Variants in MRTFA observed in about 807,000 individuals in gnomAD.
MRTFA encodes myocardin related transcription factor A.
A neutral mutation model predicts 83.5 loss-of-function variants in MRTFA; 20 were observed. The observed-to-expected ratio is 0.24, with a 90% CI of 0.17 to 0.35. The LOEUF (loss-of-function observed/expected upper bound fraction) is 0.35, where lower values mean the gene tolerates loss of function less well. Ranked by LOEUF, MRTFA falls within the 10% of genes least tolerant of loss-of-function variation. The pLI is 1.00. For missense variants in MRTFA, 1,200 were observed against 1,224.7 expected (o/e 0.98, Z 0.30); for synonymous variants, 659 against 541.2 (o/e 1.22, Z -3.02).
intron 1 of MRTFA, among the ~76,000 whole-genome samples, chr22:40,598,201 C>G (rs2056215382): frequency 6.6e-6 from 1 of 151,926 alleles, no homozygotes; most frequent in African/African-American, 2.4e-5. Context: ...TTCCCTCCCC[C>G]GCCCCTCCCC....
Position 40,418,716 on chromosome 22 carries a change from G to C in MRTFA, c.2022C>G (p.Pro674=), listed in dbSNP as rs771502561. Residue 674 remains proline (P), a synonymous_variant, in exon 12 of 15, where the codon CCC becomes CCG. Transcript: ENST00000355630. ...TGGAGAAGCTGTTCTCCTGCTTCAC[G>C]GGGGTGCCGAGGGGGGCGGGGGCGG... The C allele has an allele frequency of 7.4e-6, 11 of 1,476,698 alleles. No individual in the cohort carries two copies. Among genetic ancestry groups the C allele is most frequent in the Admixed American group, 4.9e-5 (2 of 40,562 alleles). The allele number at this position is 1,476,698 out of a possible 1,614,324, so 91.5% of individuals were successfully genotyped here.
intron 3 of MRTFA, among the ~76,000 whole-genome samples, chr22:40,527,131 TAC>T (rs35912231): frequency 0.017 from 2,454 of 145,818 alleles, 27 homozygotes; most frequent in South Asian, 0.042. Context: ...GCCTCAAAGA[TAC>T]ACACACACAC....
At chr22:40,487,126 C>T (rs2054186365) in intron 3 of MRTFA, among the ~76,000 whole-genome samples, 1 of 152,164 alleles carries the variant, frequency 6.6e-6, no homozygotes, top group Admixed American at 6.5e-5. Flanking sequence ...CATCTAAGGA[C>T]AGGATATATG....
intron 6 of MRTFA, among the ~76,000 whole-genome samples, chr22:40,430,437 G>A (rs527560811): frequency 2.0e-5 from 3 of 152,060 alleles, no homozygotes; most frequent in Admixed American, 6.5e-5. Context: ...GCAGTGAGCC[G>A]AGACTGTGCC....
intron 2 of MRTFA, among the ~76,000 whole-genome samples, chr22:40,559,343 A>G (rs989495763): frequency 6.6e-6 from 1 of 152,140 alleles, no homozygotes; most frequent in African/African-American, 2.4e-5. Context: ...AGCTGTGATC[A>G]TGCCACTGCA....
intron 2 of MRTFA, among the ~76,000 whole-genome samples, chr22:40,594,196 A>T (rs997504785): frequency 1.3e-5 from 2 of 152,242 alleles, no homozygotes; most frequent in Non-Finnish European, 2.9e-5. Context: ...TACAGTTGCC[A>T]GTAATGGCCT....
chr22:40,598,014 A>G (rs1323763541), intron 1 of MRTFA, among the ~76,000 whole-genome samples: 2 of 152,216 alleles, frequency 1.3e-5, no homozygotes, highest in African/African-American at 4.8e-5. Context: ...AAAGGAATTT[A>G]GGAGAGAATG....
intron 2 of MRTFA, among the ~76,000 whole-genome samples, chr22:40,565,908 A>C (rs2055696488): frequency 6.6e-6 from 1 of 152,188 alleles, no homozygotes; most frequent in Non-Finnish European, 1.5e-5. Context: ...ACTAAGACGT[A>C]TATTTACCTA....
intron 14 of MRTFA, chr22:40,415,543 A>C (rs1374442325): frequency 6.6e-6 from 1 of 152,370 alleles, no homozygotes; most frequent in African/African-American, 2.4e-5. Flanking sequence ...AGACACTCAA[A>C]GAGAAGTCCA....
intron 9 of MRTFA, among the ~76,000 whole-genome samples, chr22:40,421,776 G>T (rs1010844967): frequency 1.3e-5 from 2 of 152,218 alleles, no homozygotes; most frequent in Non-Finnish European, 2.9e-5. Flanking sequence ...GTTGGACGAG[G>T]TGAGTTAGCA....
chr22:40,478,650 T>C (rs2054038263), intron 3 of MRTFA, among the ~76,000 whole-genome samples: 1 of 152,122 alleles, frequency 6.6e-6, no homozygotes, highest in South Asian at 2.1e-4. Flanking sequence ...GAATCTCAAG[T>C]ATTTACCCCA....
At position 40,421,444 on chromosome 22, in the gene MRTFA, T is replaced by C. The variant is rs188951267; in HGVS notation, c.928-344A>G. Reference sequence around the variant, plus strand: ...TCGGGCTGCGCCAGACCAGGCACCTTCCAAAGACGGGGCCACACAAGCCTC... The same window carrying C: ...TCGGGCTGCGCCAGACCAGGCACCTCCCAAAGACGGGGCCACACAAGCCTC... On this transcript the variant is annotated intron_variant, in intron 9 of 14. Coordinates refer to ENST00000355630, the MANE Select transcript of MRTFA (RefSeq NM_020831.6). 5.9e-5 allele frequency among the ~76,000 whole-genome samples: 9 copies of C among 152,218 alleles called. No homozygotes were observed. In the East Asian group the frequency reaches 1.7e-3, roughly 29 times the overall value.
intron 4 of MRTFA, among the ~76,000 whole-genome samples, chr22:40,460,766 T>TTC (rs1340866970): frequency 6.6e-6 from 1 of 152,150 alleles, no homozygotes; most frequent in Non-Finnish European, 1.5e-5. Context: ...ACCTAACACT[T>TTC]TAAGAACTGG....
At chr22:40,575,230 C>T (rs1201099428) in intron 2 of MRTFA, among the ~76,000 whole-genome samples, 1 of 152,168 alleles carries the variant, frequency 6.6e-6, no homozygotes, top group African/African-American at 2.4e-5. Flanking sequence ...ATGTTAACTC[C>T]TTTCCCTGTT....
intron 1 of MRTFA, among the ~76,000 whole-genome samples, chr22:40,596,976 T>G (rs2056200884): frequency 6.6e-6 from 1 of 151,106 alleles, no homozygotes; most frequent in African/African-American, 2.4e-5. Context: ...AGACTCTGTC[T>G]CAAAAAAAAA....
intron 2 of MRTFA, among the ~76,000 whole-genome samples, chr22:40,585,692 A>G (rs1442329378): frequency 6.6e-6 from 1 of 152,214 alleles, no homozygotes; most frequent in African/African-American, 2.4e-5. Context: ...AGGTGATGGC[A>G]GGGGATGAGA....
At chr22:40,571,429 G>C (rs1159747749) in intron 2 of MRTFA, among the ~76,000 whole-genome samples, 2 of 152,102 alleles carry the variant, frequency 1.3e-5, no homozygotes, top group African/African-American at 2.4e-5. Context: ...AGGAGGTCCA[G>C]ATATTTCTGT....
intron 3 of MRTFA, among the ~76,000 whole-genome samples, chr22:40,486,383 T>A (rs1478234738): frequency 6.6e-6 from 1 of 152,244 alleles, no homozygotes; most frequent in African/African-American, 2.4e-5. Context: ...GTTGAACATT[T>A]TATTCAATGA....
At chr22:40,556,480 C>T (rs73887835) in intron 2 of MRTFA, among the ~76,000 whole-genome samples, 3,017 of 152,092 alleles carry the variant, frequency 0.02, 93 homozygotes, top group African/African-American at 0.068. Context: ...ATACTAAGGA[C>T]TCTCTACTCC....
Sources: allele counts gnomAD v4.1 joint callset (sites outside exome capture counted in the v4.1 genomes callset), GRCh38; gene constraint gnomAD v4.1.1; transcripts MANE v1.5; gene names NCBI Gene and HGNC (gene_info 2026-07-23, HGNC 2026-07-21).